The following UXS1 variants were observed in gnomAD, a reference collection of about 807,000 sequenced individuals.
UXS1 encodes the protein UDP-glucuronic acid decarboxylase 1.
UXS1 carries 33 observed loss-of-function variants against 62.6 expected under a neutral mutation model. The ratio of observed to expected loss-of-function variants is 0.53; its 90% CI spans 0.40 to 0.70. UXS1 has a LOEUF of 0.70. Among genes scored for constraint, UXS1 ranks in the 30% least tolerant of loss-of-function variants. The pLI, the probability that UXS1 is intolerant of heterozygous loss-of-function variation, is 0.00. For synonymous variants in UXS1, 213 were observed against 206.8 expected, an observed-to-expected ratio of 1.03 and a Z score of -0.26; for missense variants, 434 against 556.3, an observed-to-expected ratio of 0.78 and a Z score of 2.21.
intron 5 of UXS1, 166 bp from the exon 6 acceptor site, chr2:106,145,536 C>T (rs1681494177): frequency 2.6e-6 from 2 of 761,346 alleles, no homozygotes; most frequent in African/African-American, 1.8e-5. Flanking sequence ...TTGACTCTTA[C>T]TGCAGAACAA....
At chr2:106,185,305 T>C (rs2105118118) in intron 1 of UXS1, among the ~76,000 whole-genome samples, 1 of 152,374 alleles carries the variant, frequency 6.6e-6, no homozygotes, top group East Asian at 1.9e-4. Flanking sequence ...TTAGGAACTA[T>C]GGTGGAAAAT....
intron 3 of UXS1, 118 bp from the exon 4 acceptor site, chr2:106,163,828 C>G (rs1002360005): frequency 7.4e-6 from 4 of 542,400 alleles, no homozygotes; most frequent in Non-Finnish European, 9.1e-6. Flanking sequence ...TACAAATTAA[C>G]TTCCAGTTTG....
chr2:106,181,020 A>G (rs1172089528), intron 1 of UXS1, among the ~76,000 whole-genome samples: 1 of 152,236 alleles, frequency 6.6e-6, no homozygotes, highest in Non-Finnish European at 1.5e-5. Flanking sequence ...AGGTTACCAA[A>G]TGAATGAATC....
At chr2:106,137,567 T>A (rs1399986816) in intron 6 of UXS1, among the ~76,000 whole-genome samples, 1 of 151,738 alleles carries the variant, frequency 6.6e-6, no homozygotes, top group East Asian at 1.9e-4. Flanking sequence ...GGTGGGTGGA[T>A]CACCTGAGGT....
chr2:106,180,103 C>T (rs1442385975), intron 1 of UXS1, among the ~76,000 whole-genome samples: 5 of 152,072 alleles, frequency 3.3e-5, no homozygotes, highest in Non-Finnish European at 1.5e-5. Context: ...AGCGAGACTC[C>T]GTCTCAAAAA....
At chr2:106,187,506 T>C (rs1004554081) in intron 1 of UXS1, among the ~76,000 whole-genome samples, 1 of 152,226 alleles carries the variant, frequency 6.6e-6, no homozygotes, top group Admixed American at 6.5e-5. Flanking sequence ...AGGGCAAAAC[T>C]GTACCGTAAC....
At chr2:106,120,490 A>C (rs1679437252) in intron 9 of UXS1, among the ~76,000 whole-genome samples, 2 of 152,218 alleles carry the variant, frequency 1.3e-5, no homozygotes, top group African/African-American at 4.8e-5. Flanking sequence ...ACGTGCCCCC[A>C]GAGGTGGGCC....
At chr2:106,100,829 A>C (rs1361950648) in intron 12 of UXS1, 8 of 544,492 alleles carry the variant, frequency 1.5e-5, no homozygotes, top group South Asian at 2.5e-5. Flanking sequence ...GGCCCTTCAG[A>C]AGGTGGAGGG....
At chr2:106,138,902 G>A in intron 6 of UXS1, 1 of 983,240 alleles carries the variant, frequency 1.0e-6, no homozygotes, top group Non-Finnish European at 1.2e-6. Context: ...CTGCAGCAGA[G>A]TCTGTTGGTT....
At chr2:106,112,370 A>G (rs1235408584) in intron 10 of UXS1, among the ~76,000 whole-genome samples, 4 of 152,236 alleles carry the variant, frequency 2.6e-5, no homozygotes, top group Non-Finnish European at 4.4e-5. Context: ...ATGTCGGAGA[A>G]GGTCTTCACA....
intron 10 of UXS1, among the ~76,000 whole-genome samples, chr2:106,111,035 T>C (rs1174618172): frequency 6.6e-6 from 1 of 152,180 alleles, no homozygotes; most frequent in Non-Finnish European, 1.5e-5. Flanking sequence ...CAGGGCTGTG[T>C]CCCGTGCTCT....
chr2:106,122,310 T>C (rs1177483618), intron 9 of UXS1, among the ~76,000 whole-genome samples: 3 of 152,224 alleles, frequency 2.0e-5, no homozygotes, highest in Non-Finnish European at 4.4e-5. Context: ...CCACCTTCTC[T>C]GCACAGTTCA....
At chr2:106,172,587 G>A (rs899275372) in intron 1 of UXS1, among the ~76,000 whole-genome samples, 4 of 152,162 alleles carry the variant, frequency 2.6e-5, no homozygotes, top group African/African-American at 9.7e-5. Flanking sequence ...GCTGGGGGTG[G>A]AGCAGTGTGG....
At chr2:106,095,456 C>A (rs1676997859) in intron 14 of UXS1, among the ~76,000 whole-genome samples, 1 of 152,200 alleles carries the variant, frequency 6.6e-6, no homozygotes, top group African/African-American at 2.4e-5. Flanking sequence ...CTCTCATGTC[C>A]CTTTGAAGTT....
At chr2:106,154,362 A>G (rs1361384535) in intron 5 of UXS1, among the ~76,000 whole-genome samples, 2 of 152,228 alleles carry the variant, frequency 1.3e-5, no homozygotes, top group African/African-American at 2.4e-5. Context: ...TCTGTCCCAG[A>G]GCTTCAGAAT....
chr2:106,190,972 A>C (rs537326204), intron 1 of UXS1, among the ~76,000 whole-genome samples: 1 of 152,330 alleles, frequency 6.6e-6, no homozygotes, highest in South Asian at 2.1e-4. Context: ...ATGAGCCATT[A>C]GCACTGCTAT....
rs1355856113 is a variant in UXS1, at chr2:106,145,178, G to C, written c.472+12C>G. On this transcript the variant is annotated intron_variant, in intron 6 of 14. Coordinates refer to ENST00000283148, the MANE Select transcript of UXS1 (RefSeq NM_001253875.2). The stretch of plus-strand genomic sequence containing the variant: ...GAGCTCTGAATAATAACAATGTGCA[G>C]TTTTCACTCACCCTCGATGTAGAGG... The C allele has an allele frequency of 1.9e-6, 3 of 1,611,296 alleles. No homozygotes were observed. The highest frequency in any genetic ancestry group is 2.5e-6 in the Non-Finnish European group (3 of 1,178,412).
At chr2:106,122,636 A>G (rs1374022945) in intron 9 of UXS1, among the ~76,000 whole-genome samples, 2 of 152,224 alleles carry the variant, frequency 1.3e-5, no homozygotes, top group Non-Finnish European at 2.9e-5. Flanking sequence ...ATAGAAAAGT[A>G]AAAAAAGAAG....
intron 1 of UXS1, among the ~76,000 whole-genome samples, chr2:106,176,098 G>C (rs926609425): frequency 3.3e-5 from 5 of 152,106 alleles, no homozygotes; most frequent in African/African-American, 9.7e-5. Flanking sequence ...AGACTGGCCC[G>C]CCTGGGTAGA....
Sources: gnomAD v4.1 joint callset for allele counts (sites outside exome capture counted in the v4.1 genomes callset) on GRCh38, gnomAD v4.1.1 for gene constraint, MANE v1.5 for transcripts, NCBI Gene and HGNC (gene_info 2026-07-23, HGNC 2026-07-21) for gene names.